DLG2: variants seen among roughly 807,000 people sequenced by gnomAD.
DLG2 encodes discs large MAGUK scaffold protein 2, also known as disks large homolog 2.
Under a neutral mutation model 132.5 loss-of-function variants are expected in DLG2, and 45 were observed. The ratio of observed to expected loss-of-function variants is 0.34; its 90% confidence interval spans 0.27 to 0.44. The LOEUF is 0.44. Among genes scored for constraint, DLG2 ranks in the 20% least tolerant of loss-of-function variants. The probability of loss-of-function intolerance (pLI) is 1.00; values close to 1 mark genes in which losing one functional copy is unlikely to be tolerated. For missense variants in DLG2, 1,045 were observed against 1,196.9 expected (o/e 0.87, Z 1.87); for synonymous variants, 424 against 419.6 (o/e 1.01, Z -0.13).
chr11:83,739,837 G>T (rs2092359245), intron 18 of DLG2, among the ~76,000 whole-genome samples: 1 of 152,056 alleles, frequency 6.6e-6, no homozygotes, highest in Admixed American at 6.6e-5. Flanking sequence ...ACTCATCACA[G>T]TGCAGCTGGA....
chr11:83,895,507 G>A (rs1379806791), intron 15 of DLG2, among the ~76,000 whole-genome samples: 1 of 152,118 alleles, frequency 6.6e-6, no homozygotes, highest in Non-Finnish European at 1.5e-5. Flanking sequence ...TTAGGTGAGC[G>A]AAACTTCATA....
At chr11:85,162,177 A>C (rs1447837346) in intron 4 of DLG2, among the ~76,000 whole-genome samples, 1 of 152,286 alleles carries the variant, frequency 6.6e-6, no homozygotes, top group East Asian at 1.9e-4. Flanking sequence ...TATCAAGATG[A>C]AATCAGTGTA....
chr11:83,488,543 T>TTATC (rs543939889), intron 21 of DLG2, among the ~76,000 whole-genome samples: 139 of 152,144 alleles, frequency 9.1e-4, no homozygotes, highest in Non-Finnish European at 1.4e-3. Context: ...TTGACATATT[T>TTATC]TATCTTTCTC....
At chr11:84,120,353 A>G (rs114366636) in intron 9 of DLG2, among the ~76,000 whole-genome samples, 2,346 of 152,324 alleles carry the variant, frequency 0.015, 55 homozygotes, top group African/African-American at 0.053. Flanking sequence ...TGTCTACCCC[A>G]TTTATTTCTT....
intron 18 of DLG2, among the ~76,000 whole-genome samples, chr11:83,719,898 C>T (rs2087873547): frequency 1.3e-5 from 2 of 152,260 alleles, no homozygotes; most frequent in South Asian, 2.1e-4. Context: ...TTGTTCCCGA[C>T]AAACAGACTG....
chr11:84,494,330 A>G (rs1006337295), intron 7 of DLG2, among the ~76,000 whole-genome samples: 2 of 152,152 alleles, frequency 1.3e-5, no homozygotes, highest in Non-Finnish European at 2.9e-5. Context: ...GGAGGTGAAA[A>G]GTGCTCTCAA....
At chr11:84,396,056 G>C (rs556813654) in intron 7 of DLG2, among the ~76,000 whole-genome samples, 13 of 152,304 alleles carry the variant, frequency 8.5e-5, no homozygotes, top group Admixed American at 7.8e-4. Flanking sequence ...CTTAGATTTT[G>C]ACCTGGAAAT....
Position 85,115,616 on chromosome 11 carries a change from A to T in DLG2, c.283-3881T>A, listed in dbSNP as rs74403835. 9.8e-3 allele frequency among the ~76,000 whole-genome samples: 1,496 copies of T among 152,066 alleles called. 21 individuals carry two copies. Among genetic ancestry groups the T allele is most frequent in the African/African-American group, 0.033 (1,358 of 41,512 alleles). On this transcript the variant is annotated intron_variant, in intron 5 of 27. Coordinates refer to ENST00000376104, the MANE Select transcript of DLG2 (RefSeq NM_001142699.3). ...AATTATACAGAGGAATTGAGGCAAA[A>T]GGTGGAAGTATTTAACTCTGGCTGG...
chr11:84,168,180 C>T (rs1029995922), intron 8 of DLG2, among the ~76,000 whole-genome samples: 4 of 152,074 alleles, frequency 2.6e-5, no homozygotes, highest in South Asian at 2.1e-4. Context: ...AAAGAGGCAC[C>T]GAAACACAAA....
In DLG2 at chr11:83,535,554, A is replaced by G. The variant is rs17462270; in HGVS notation, c.2118-2771T>C. Among the ~76,000 whole-genome samples the G allele has an allele frequency of 7.3e-3, 1,116 of 152,204 alleles. 7 individuals carry two copies. The highest frequency in any genetic ancestry group is 0.018 in the South Asian group (86 of 4,822). The stretch of plus-strand genomic sequence containing the variant: ...ATCCCTTAAATCTTAAAATGGTTGC[A>G]AAGAATATTAAGTCAGCCAGACACA... On this transcript the variant is annotated intron_variant, in intron 20 of 27. Coordinates refer to ENST00000376104, the MANE Select transcript of DLG2 (RefSeq NM_001142699.3).
chr11:83,709,885 G>C (rs991419284), intron 18 of DLG2, among the ~76,000 whole-genome samples: 2 of 152,192 alleles, frequency 1.3e-5, no homozygotes, highest in African/African-American at 4.8e-5. Context: ...GGCAGATACA[G>C]CCTCTAAAAA....
intron 19 of DLG2, among the ~76,000 whole-genome samples, chr11:83,628,903 CAG>C (rs2063087574): frequency 6.6e-6 from 1 of 151,970 alleles, no homozygotes. Context: ...AGGAGAGAAA[CAG>C]AATGGAAAAT....
intron 7 of DLG2, among the ~76,000 whole-genome samples, chr11:84,459,037 C>G (rs1035188018): frequency 6.6e-6 from 1 of 150,578 alleles, no homozygotes; most frequent in Admixed American, 6.6e-5. Flanking sequence ...ATGATGGAGT[C>G]AGAGTTTGAA....
chr11:83,479,651 G>C (rs1046147640), intron 22 of DLG2, among the ~76,000 whole-genome samples: 1 of 152,190 alleles, frequency 6.6e-6, no homozygotes, highest in East Asian at 1.9e-4. Flanking sequence ...GTGTTTGGTG[G>C]ATAGTTTCAT....
chr11:84,589,543 C>A (rs1267647807), intron 6 of DLG2, among the ~76,000 whole-genome samples: 1 of 152,000 alleles, frequency 6.6e-6, no homozygotes, highest in Admixed American at 6.6e-5. Context: ...GTCTAGAATT[C>A]TCCTAGAGAA....
intron 16 of DLG2, among the ~76,000 whole-genome samples, chr11:83,867,174 A>T (rs1158947224): frequency 6.6e-6 from 1 of 152,144 alleles, no homozygotes; most frequent in Non-Finnish European, 1.5e-5. Flanking sequence ...ATAATAACAA[A>T]ACACATACAA....
chr11:83,924,711 A>T (rs2078630953), intron 15 of DLG2, among the ~76,000 whole-genome samples: 2 of 152,106 alleles, frequency 1.3e-5, no homozygotes, highest in East Asian at 3.9e-4. Context: ...TCAGGGGCTT[A>T]CCATAACTCT....
intron 7 of DLG2, among the ~76,000 whole-genome samples, chr11:84,522,176 A>G (rs1401865940): frequency 6.6e-6 from 1 of 151,200 alleles, no homozygotes; most frequent in Non-Finnish European, 1.5e-5. Flanking sequence ...TCAAAAACGA[A>G]CAAACAAAAA....
At chr11:85,078,554 A>G (rs969672584) in intron 6 of DLG2, among the ~76,000 whole-genome samples, 1 of 152,134 alleles carries the variant, frequency 6.6e-6, no homozygotes, top group Admixed American at 6.5e-5. Context: ...ATTTCATTTT[A>G]GTGAGATGGA....
Sources: gnomAD v4.1 joint callset for allele counts (sites outside exome capture counted in the v4.1 genomes callset) on GRCh38, gnomAD v4.1.1 for gene constraint, MANE v1.5 for transcripts, NCBI Gene and HGNC (gene_info 2026-07-23, HGNC 2026-07-21) for gene names.